Variants in NRP2 observed in about 807,000 individuals in gnomAD.
NRP2 encodes the protein neuropilin 2, also known as neuropilin-2.
Under a neutral mutation model 110.4 loss-of-function variants are expected in NRP2, and 52 were observed. The ratio of observed to expected loss-of-function variants is 0.47; its 90% CI spans 0.38 to 0.59. NRP2 has a LOEUF of 0.59. NRP2 is among the 20% of genes least tolerant of loss of function. The probability of loss-of-function intolerance (pLI) is 0.00; values close to 1 mark genes in which losing one functional copy is unlikely to be tolerated. For synonymous variants in NRP2, 508 were observed against 468.9 expected (o/e 1.08, Z -1.08); for missense variants, 1,049 against 1,203.0 (o/e 0.87, Z 1.89).
At chr2:205,705,547 A>T (rs2056656572) in intron 2 of NRP2, among the ~76,000 whole-genome samples, 1 of 152,044 alleles carries the variant, frequency 6.6e-6, no homozygotes, top group Admixed American at 6.6e-5. Context: ...CCCACTGGGG[A>T]CTCAACTGTA....
intron 4 of NRP2, among the ~76,000 whole-genome samples, chr2:205,723,002 G>T (rs2057052522): frequency 6.6e-6 from 1 of 152,146 alleles, no homozygotes; most frequent in African/African-American, 2.4e-5. Context: ...ATAGAAGGTG[G>T]CTCAGTGGCT....
Position 205,722,560 on chromosome 2 carries a change from C to T in NRP2, c.516C>T (p.Asn172=), listed in dbSNP as rs1243917427. The change falls in exon 4 of 17, where the codon AAC becomes AAT. Residue 172 remains asparagine, a synonymous_variant. Transcript: ENST00000357785. ...GGTTTCCTGAGAAGTATCCACACAA[C>T]TTGGACTGCACCTTTACCATCCTGG... The part of the protein sequence containing the change: ...SPGFPEKYPH[N]LDCTFTILAK... The T allele has an allele frequency of 3.1e-6, 5 of 1,614,096 alleles. No homozygotes were observed. In the Admixed American group the frequency reaches 8.3e-5, roughly 27 times the overall value.
At chr2:205,701,887 T>C (rs775227846) in intron 2 of NRP2, among the ~76,000 whole-genome samples, 6 of 152,228 alleles carry the variant, frequency 3.9e-5, no homozygotes, top group Non-Finnish European at 7.3e-5. Context: ...AAAACCTACA[T>C]TGAGAGGAGT....
chr2:205,763,657 G>A lies in NRP2; in HGVS notation c.2045-17G>A. The A allele has an allele frequency of 1.2e-6, 2 of 1,614,084 alleles. No homozygotes were observed. Among genetic ancestry groups the A allele is most frequent in the Non-Finnish European group, 1.7e-6 (2 of 1,180,016 alleles). ...GAGTGTTTATGGAGAACCTCTGTTT[G>A]GGTTTGTTTCTGCCAGATGACAGGA... On this transcript the variant is annotated splice_polypyrimidine_tract_variant and intron_variant, in intron 12 of 16. Coordinates refer to ENST00000357785, the MANE Select transcript of NRP2 (RefSeq NM_003872.3). The surrounding 1 kb of genome is among the most constrained non-coding windows in gnomAD (Gnocchi z 4.0).
intron 14 of NRP2, among the ~76,000 whole-genome samples, chr2:205,766,145 C>A (rs1449674562): frequency 6.6e-6 from 1 of 152,164 alleles, no homozygotes; most frequent in Non-Finnish European, 1.5e-5. Flanking sequence ...GTGACTGGCA[C>A]GAGAAGGATA....
At chr2:205,740,015 GTCCGCTCAT>G in intron 7 of NRP2, 1 of 252,794 alleles carries the variant, frequency 4.0e-6, no homozygotes. Context: ...TCATCATCTT[GTCCGCTCAT>G]GGGTGGGATG....
intron 1 of NRP2, among the ~76,000 whole-genome samples, chr2:205,685,373 C>A (rs2056124005): frequency 6.6e-6 from 1 of 151,314 alleles, no homozygotes; most frequent in African/African-American, 2.4e-5. Flanking sequence ...AGCACTGGCA[C>A]CCTGGGAGCC....
intron 3 of NRP2, among the ~76,000 whole-genome samples, chr2:205,719,627 C>G (rs2056972011): frequency 1.3e-5 from 2 of 152,126 alleles, no homozygotes; most frequent in South Asian, 4.2e-4. Context: ...TGTGACACTT[C>G]AGAAACTGAC....
intron 2 of NRP2, among the ~76,000 whole-genome samples, chr2:205,706,152 G>A (rs1317678546): frequency 6.6e-6 from 1 of 151,940 alleles, no homozygotes; most frequent in African/African-American, 2.4e-5. Flanking sequence ...GTCCAAAGAT[G>A]TGAGGGCCAG....
intron 13 of NRP2, chr2:205,764,146 T>C (rs1275641466): frequency 1.6e-6 from 1 of 636,844 alleles, no homozygotes; most frequent in Non-Finnish European, 2.7e-6. Context: ...TTGCCTTTTA[T>C]ATTGCTGAAA....
intron 7 of NRP2, among the ~76,000 whole-genome samples, chr2:205,737,394 T>C (rs1298541600): frequency 1.3e-5 from 2 of 152,156 alleles, no homozygotes; most frequent in Non-Finnish European, 1.5e-5. Flanking sequence ...AATCAACTCA[T>C]ACAATCCCCT....
chr2:205,727,054 T>A (rs886874185), intron 6 of NRP2, among the ~76,000 whole-genome samples: 1 of 152,244 alleles, frequency 6.6e-6, no homozygotes, highest in Non-Finnish European at 1.5e-5. Context: ...AATCATATAC[T>A]TTCGCCTATT....
At chr2:205,732,246 G>A (rs1197803814) in intron 7 of NRP2, among the ~76,000 whole-genome samples, 2 of 152,318 alleles carry the variant, frequency 1.3e-5, no homozygotes, top group East Asian at 3.9e-4. Flanking sequence ...AGGATGGAGA[G>A]TTGAAAGGAG....
At chr2:205,694,793 A>C (rs2056389054) in intron 1 of NRP2, among the ~76,000 whole-genome samples, 1 of 152,232 alleles carries the variant, frequency 6.6e-6, no homozygotes, top group South Asian at 2.1e-4. Context: ...CAACCCTAGA[A>C]AGGAAAGATC....
chr2:205,759,825 A>G (rs1389373309), intron 12 of NRP2: 2 of 152,148 alleles, frequency 1.3e-5, no homozygotes, highest in African/African-American at 2.4e-5. Flanking sequence ...ACTTTTCCTG[A>G]GCTCTTAATG....
intron 12 of NRP2, among the ~76,000 whole-genome samples, chr2:205,754,696 A>AC (rs572456382): frequency 1.1e-3 from 167 of 151,694 alleles, no homozygotes; most frequent in African/African-American, 3.9e-3. Context: ...GTTGTTCCCA[A>AC]CCCCCATGTT....
chr2:205,780,325 A>G (rs73983265), intron 15 of NRP2, among the ~76,000 whole-genome samples: 1,846 of 152,354 alleles, frequency 0.012, 47 homozygotes, highest in African/African-American at 0.042. Context: ...AGAGTGGAAC[A>G]TTTTATGAAA....
At chr2:205,747,607 A>G (rs957581161) in intron 10 of NRP2, among the ~76,000 whole-genome samples, 3 of 152,296 alleles carry the variant, frequency 2.0e-5, no homozygotes, top group East Asian at 3.9e-4. Flanking sequence ...CCACAACCCA[A>G]TGATGAGAGT....
intron 1 of NRP2, among the ~76,000 whole-genome samples, chr2:205,687,380 C>T (rs1411762817): frequency 6.6e-6 from 1 of 152,186 alleles, no homozygotes; most frequent in East Asian, 1.9e-4. Flanking sequence ...ACGCAGACGG[C>T]CTGCTCTGGG....
Sources: allele counts gnomAD v4.1 joint callset (sites outside exome capture counted in the v4.1 genomes callset), GRCh38; gene constraint gnomAD v4.1.1; non-coding constraint Gnocchi (gnomAD v3.1); transcripts MANE v1.5; gene names NCBI Gene and HGNC (gene_info 2026-07-23, HGNC 2026-07-21).